NEK3: variants seen among roughly 807,000 people sequenced by gnomAD.
NEK3 encodes the protein NIMA related kinase 3, also known as serine/threonine-protein kinase Nek3.
Under a neutral mutation model 66.0 loss-of-function variants are expected in NEK3, and 54 were observed. That is an observed-to-expected ratio of 0.82 (90% CI 0.66 to 1.03). The LOEUF (loss-of-function observed/expected upper bound fraction) is 1.03. Among genes scored for constraint, NEK3 ranks in the 50% least tolerant of loss-of-function variants. The pLI is 0.00. For synonymous variants in NEK3, 200 were observed against 206.2 expected (o/e 0.97, Z 0.26); for missense variants, 593 against 603.0 (o/e 0.98, Z 0.17).
At position 52,151,434 on chromosome 13, in the gene NEK3, C is replaced by G. The variant is rs1295358830; in HGVS notation, c.394-42G>C. ...AAGCTCAGATTATGTCTTCTATCAT[C>G]AAACATGAGGCAGATAAGCTGTCTT... is the stretch of plus-strand genomic sequence containing the variant. On this transcript the variant is annotated intron_variant, in intron 5 of 15. Coordinates refer to ENST00000610828, the MANE Select transcript of NEK3 (RefSeq NM_002498.3). 6 of 1,512,566 alleles carry G rather than the reference C, an allele frequency of 4.0e-6. No individual in the cohort carries two copies. In the Admixed American group the frequency reaches 9.8e-5, roughly 25 times the overall value. The allele number at this position is 1,512,566 out of a possible 1,614,324, so 93.7% of individuals were successfully genotyped here.
At chr13:52,142,522 C>T (rs1594024474) in intron 10 of NEK3, among the ~76,000 whole-genome samples, 2 of 152,120 alleles carry the variant, frequency 1.3e-5, no homozygotes, top group South Asian at 2.1e-4. Flanking sequence ...ATGATCTACC[C>T]GCCTCGGCTT....
At chr13:52,136,047 C>T in intron 13 of NEK3, 69 bp downstream of exon 13, 1 of 1,577,966 alleles carries the variant, frequency 6.3e-7, no homozygotes, top group East Asian at 2.2e-5. Context: ...TTAAAAGGCT[C>T]TAAGTGCACT....
At chr13:52,133,250 T>A (rs1404778106) in intron 15 of NEK3, 24 bp from the exon 16 acceptor site, 2 of 1,559,342 alleles carry the variant, frequency 1.3e-6, no homozygotes, top group East Asian at 2.3e-5. Flanking sequence ...ATTTGGACCA[T>A]AAACCTCTAC....
chr13:52,136,005 T>G, intron 13 of NEK3, 111 bp downstream of exon 13: 5 of 1,500,018 alleles, frequency 3.3e-6, no homozygotes, highest in Non-Finnish European at 4.6e-6. Flanking sequence ...AGCAATGCTC[T>G]GATGTGTGAC....
intron 14 of NEK3, among the ~76,000 whole-genome samples, chr13:52,134,923 C>CT (rs1020096612): frequency 2.6e-5 from 4 of 151,886 alleles, no homozygotes; most frequent in African/African-American, 7.3e-5. Context: ...GTGTTTTATT[C>CT]TTTTTTTTAT....
At chr13:52,143,564 T>C (rs1956268464) in intron 10 of NEK3, among the ~76,000 whole-genome samples, 1 of 152,158 alleles carries the variant, frequency 6.6e-6, no homozygotes, top group East Asian at 1.9e-4. Flanking sequence ...TGGGATACAT[T>C]TTCCTACAAG....
intron 4 of NEK3, among the ~76,000 whole-genome samples, chr13:52,153,396 T>C (rs538145648): frequency 6.6e-6 from 1 of 152,230 alleles, no homozygotes; most frequent in South Asian, 2.1e-4. Context: ...ATATTTTCCA[T>C]AGCCAATTCA....
intron 11 of NEK3, among the ~76,000 whole-genome samples, chr13:52,137,626 C>T (rs1956216318): frequency 6.6e-6 from 1 of 152,170 alleles, no homozygotes; most frequent in Admixed American, 6.5e-5. Context: ...TCACTTACAG[C>T]AGAGATTTCA....
chr13:52,134,879 C>T (rs1329392899), intron 14 of NEK3, among the ~76,000 whole-genome samples: 1 of 152,170 alleles, frequency 6.6e-6, no homozygotes, highest in African/African-American at 2.4e-5. Flanking sequence ...TGACCTCCCA[C>T]GTAAAGAACT....
In NEK3 at chr13:52,133,784, A is replaced by C; in HGVS notation, c.1341T>G (p.Ser447=). Residue 447 remains serine (S), a synonymous_variant, in exon 15 of 16, where the codon TCT becomes TCG. Coordinates refer to ENST00000610828, the MANE Select transcript of NEK3 (RefSeq NM_002498.3). ...GSEGFLKGPL[S]EETEASDSVD... ...CACTGTCCGATGCTTCTGTTTCTTC[A>C]GACAGGGGGCCTTTCAAGAACCCTT... 1 of 1,598,278 alleles carries C rather than the reference A, an allele frequency of 6.3e-7. No homozygotes were observed. Among genetic ancestry groups the C allele is most frequent in the Non-Finnish European group, 8.5e-7 (1 of 1,171,720 alleles).
At position 52,155,814 on chromosome 13, in the gene NEK3, C is replaced by CT. The variant is rs539200990; in HGVS notation, c.117+260dup. ...GCCTCTGCCTCCTGAATAGCTGGGA[C>CT]TACAGGTGCAGGCCACCACACTTGC... On this transcript the variant is annotated intron_variant, in intron 2 of 15. Transcript: ENST00000610828. Among the ~76,000 whole-genome samples, 112 of 152,186 alleles carry CT rather than the reference C, an allele frequency of 7.4e-4. No homozygotes were observed. In the East Asian group the frequency reaches 0.021, roughly 29 times the overall value.
chr13:52,159,735 G>C (rs1374121948), upstream of NEK3: 1 of 152,284 alleles, frequency 6.6e-6, no homozygotes, highest in East Asian at 1.9e-4. Context: ...CGGTGGAACA[G>C]TGCTGTTAAC....
rs1475027807 is a variant in NEK3, at chr13:52,135,989, T to C, written c.1175-126A>G. ...TTAACTAAAATCTGCTTCATTCACC[T>C]GTATGAGCAATGCTCTGATGTGTGA... On this transcript the variant is annotated intron_variant, in intron 13 of 15. Coordinates refer to ENST00000610828, the MANE Select transcript of NEK3 (RefSeq NM_002498.3). The C allele has an allele frequency of 2.7e-6, 4 of 1,489,136 alleles. No homozygotes were observed. The South Asian group carries it at 3.8e-5, about 14-fold the overall frequency. The allele number at this position is 1,489,136 out of a possible 1,614,324, so 92.2% of individuals were successfully genotyped here.
At chr13:52,153,740 G>GGACACTAAGTGGT in intron 4 of NEK3, among the ~76,000 whole-genome samples, 155 bp downstream of exon 4, 1 of 151,964 alleles carries the variant, frequency 6.6e-6, no homozygotes, top group Middle Eastern at 3.4e-3. Context: ...CATATCCTGA[G>GGACACTAAGTGGT]GACACTAAGT....
chr13:52,145,863 T>G (rs953335711), intron 8 of NEK3, among the ~76,000 whole-genome samples: 1 of 152,204 alleles, frequency 6.6e-6, no homozygotes, highest in African/African-American at 2.4e-5. Context: ...CATGAGGGGT[T>G]GGTAGGTGCA....
chr13:52,159,525 AG>A lies in NEK3; in HGVS notation c.-58+17del, dbSNP rs1480710939. ...CTCCTCGTTCTAGAGGCAGCCCGCCAGGGCGGGGACCACTCACCCGCTTCCC... is the reference window on the plus strand; with the variant it reads ...CTCCTCGTTCTAGAGGCAGCCCGCCAGGCGGGGACCACTCACCCGCTTCCC... On this transcript the variant is annotated intron_variant, in intron 1 of 15. Transcript: ENST00000610828. 1 of 152,028 alleles carries A rather than the reference AG, an allele frequency of 6.6e-6. No homozygotes were observed. Among genetic ancestry groups the A allele is most frequent in the East Asian group, 2.0e-4 (1 of 5,120 alleles). The allele number at this position is 152,028 out of a possible 1,614,324, so 9.4% of individuals were successfully genotyped here.
chr13:52,156,655 CAAG>C (rs1356790448), intron 1 of NEK3: 1 of 152,858 alleles, frequency 6.5e-6, no homozygotes, highest in African/African-American at 2.4e-5. Flanking sequence ...ACAATTTACC[CAAG>C]AAGCATTCCC....
chr13:52,144,191 A>C (rs919792517), intron 9 of NEK3, among the ~76,000 whole-genome samples: 2 of 152,232 alleles, frequency 1.3e-5, no homozygotes, highest in Non-Finnish European at 1.5e-5. Context: ...AGACAGGCAG[A>C]TTGCCTGAGG....
At chr13:52,137,658 G>A (rs557175412) in intron 11 of NEK3, among the ~76,000 whole-genome samples, 52 of 152,298 alleles carry the variant, frequency 3.4e-4, no homozygotes, top group African/African-American at 1.3e-3. Flanking sequence ...ACTCAAGAAT[G>A]ACATCAGAAT....
Sources: gnomAD v4.1 joint callset for allele counts (sites outside exome capture counted in the v4.1 genomes callset) on GRCh38, gnomAD v4.1.1 for gene constraint, MANE v1.5 for transcripts, NCBI Gene and HGNC (gene_info 2026-07-23, HGNC 2026-07-21) for gene names.